Variants in GRID1 observed in about 807,000 individuals in gnomAD.
GRID1 encodes glutamate receptor ionotropic, delta-1.
A neutral mutation model predicts 98.0 loss-of-function variants in GRID1; 28 were observed. The observed-to-expected ratio is 0.29, with a 90% CI of 0.21 to 0.39. The LOEUF (loss-of-function observed/expected upper bound fraction) is 0.39, where lower values mean the gene tolerates loss of function less well. Ranked by LOEUF, GRID1 falls within the 10% of genes least tolerant of loss-of-function variation. The pLI, the probability that GRID1 is intolerant of heterozygous loss-of-function variation, is 1.00. For missense variants in GRID1, 1,111 were observed against 1,340.5 expected (o/e 0.83, Z 2.67); for synonymous variants, 553 against 538.5 (o/e 1.03, Z -0.37).
chr10:86,093,293 A>G (rs989831547), intron 4 of GRID1, among the ~76,000 whole-genome samples: 1 of 152,154 alleles, frequency 6.6e-6, no homozygotes, highest in Non-Finnish European at 1.5e-5. Context: ...CAGAGCACAG[A>G]CAATCTAAGG....
intron 8 of GRID1, among the ~76,000 whole-genome samples, chr10:85,802,076 A>G (rs570297734): frequency 6.6e-6 from 1 of 152,236 alleles, no homozygotes; most frequent in African/African-American, 2.4e-5. Context: ...AGTTATAAAA[A>G]TTACTGAAAG....
chr10:86,127,644 G>T (rs1341201472), intron 4 of GRID1, among the ~76,000 whole-genome samples: 1 of 152,150 alleles, frequency 6.6e-6, no homozygotes. Flanking sequence ...AGCTGGGCTG[G>T]CTGGAGATCG....
chr10:85,735,743 C>T (rs529274424), intron 8 of GRID1, among the ~76,000 whole-genome samples: 13 of 150,826 alleles, frequency 8.6e-5, no homozygotes, highest in Non-Finnish European at 1.8e-4. Flanking sequence ...CAAAATATAA[C>T]CAATTTCATA....
In GRID1 at chr10:85,865,916, T is replaced by TATATATATATATATATATAC. The variant is rs1554836177; in HGVS notation, c.951+3093_951+3094insGTATATATATATATATATAT. On this transcript the variant is annotated intron_variant, in intron 6 of 15. Coordinates refer to ENST00000327946, the MANE Select transcript of GRID1 (RefSeq NM_017551.3). ...ATAAAGTGTTTTACATATATACATA[T>TATATATATATATATATATAC]ATATATATATATATATATATATATA... Among the ~76,000 whole-genome samples the TATATATATATATATATATAC allele has an allele frequency of 2.6e-4, 22 of 83,028 alleles. No homozygotes were observed. In the East Asian group the frequency reaches 6.9e-3, roughly 26 times the overall value. The allele number at this position is 83,028 out of a possible 152,430, so 54.5% of individuals were successfully genotyped here. A position where few individuals can be genotyped will look rare whatever the true frequency, so the allele number is the denominator to read the frequency against.
intron 2 of GRID1, among the ~76,000 whole-genome samples, chr10:86,239,243 C>A (rs60329779): frequency 1.3e-5 from 2 of 152,216 alleles, no homozygotes; most frequent in Non-Finnish European, 2.9e-5. Flanking sequence ...TGCATGGGGC[C>A]TGTAGCCCCT....
chr10:85,766,612 T>C (rs768231530), intron 8 of GRID1, among the ~76,000 whole-genome samples: 14 of 152,158 alleles, frequency 9.2e-5, no homozygotes, highest in Non-Finnish European at 1.9e-4. Flanking sequence ...TGAAATAATC[T>C]TGCTCTTCTC....
chr10:86,234,240 C>G (rs368434047), intron 2 of GRID1, among the ~76,000 whole-genome samples: 5 of 152,272 alleles, frequency 3.3e-5, no homozygotes, highest in South Asian at 2.1e-4. Flanking sequence ...TCAGAGCCAC[C>G]CTAGAAAGAG....
At chr10:85,978,468 A>G (rs1370656880) in intron 4 of GRID1, among the ~76,000 whole-genome samples, 1 of 152,250 alleles carries the variant, frequency 6.6e-6, no homozygotes, top group Non-Finnish European at 1.5e-5. Context: ...AAACCTAAGC[A>G]TTAATGGACT....
At chr10:85,608,362 A>G (rs552128567) in intron 15 of GRID1, among the ~76,000 whole-genome samples, 1 of 152,336 alleles carries the variant, frequency 6.6e-6, no homozygotes, top group Admixed American at 6.5e-5. Context: ...CTGTATTTCT[A>G]AAAAGCCCCA....
At chr10:86,002,091 C>G (rs1464568303) in intron 4 of GRID1, among the ~76,000 whole-genome samples, 3 of 152,204 alleles carry the variant, frequency 2.0e-5, no homozygotes, top group Non-Finnish European at 4.4e-5. Flanking sequence ...ACAAGTCATA[C>G]TGGATTAGGA....
At chr10:86,315,599 T>A (rs1226440091) in intron 2 of GRID1, among the ~76,000 whole-genome samples, 1 of 152,090 alleles carries the variant, frequency 6.6e-6, no homozygotes, top group Non-Finnish European at 1.5e-5. Flanking sequence ...TGCCCCACAA[T>A]GCCTCCTTCC....
intron 8 of GRID1, among the ~76,000 whole-genome samples, chr10:85,785,101 G>A (rs1368279534): frequency 6.6e-6 from 1 of 152,336 alleles, no homozygotes; most frequent in East Asian, 1.9e-4. Context: ...GCCTGACTGA[G>A]AGGCGCATGC....
chr10:85,987,742 A>G (rs1051804497), intron 4 of GRID1, among the ~76,000 whole-genome samples: 2 of 150,878 alleles, frequency 1.3e-5, no homozygotes, highest in African/African-American at 4.9e-5. Context: ...CCCTTTTCCC[A>G]CATTCTCACC....
intron 4 of GRID1, among the ~76,000 whole-genome samples, chr10:85,986,808 AAGGACAGCAC>A (rs1842613883): frequency 6.6e-6 from 1 of 152,206 alleles, no homozygotes; most frequent in Non-Finnish European, 1.5e-5. Context: ...AGATACTGCA[AAGGACAGCAC>A]AGATAGAGCT....
chr10:85,605,950 C>T (rs1488204523), intron 15 of GRID1: 1 of 152,158 alleles, frequency 6.6e-6, no homozygotes, highest in Non-Finnish European at 1.5e-5. Flanking sequence ...ATGACTTCAC[C>T]ACTGAAGTGC....
At chr10:85,769,330 T>C (rs1842230527) in intron 8 of GRID1, among the ~76,000 whole-genome samples, 1 of 152,136 alleles carries the variant, frequency 6.6e-6, no homozygotes, top group Non-Finnish European at 1.5e-5. Context: ...AATATAAAGA[T>C]GGCAGGAGCT....
chr10:85,641,490 G>A (rs1843117170), intron 13 of GRID1, among the ~76,000 whole-genome samples: 1 of 152,150 alleles, frequency 6.6e-6, no homozygotes, highest in South Asian at 2.1e-4. Context: ...TGTACACAAG[G>A]GGGTGGAAAC....
chr10:85,658,596 T>C (rs1457724756), intron 12 of GRID1, among the ~76,000 whole-genome samples: 1 of 152,096 alleles, frequency 6.6e-6, no homozygotes, highest in East Asian at 1.9e-4. Context: ...AACAGGCACA[T>C]GGATCATTAG....
At chr10:85,772,236 G>T (rs553800262) in intron 8 of GRID1, among the ~76,000 whole-genome samples, 1 of 152,022 alleles carries the variant, frequency 6.6e-6, no homozygotes. Context: ...GGTACATAAC[G>T]AAATGAAGGC....
Sources: allele counts gnomAD v4.1 joint callset (sites outside exome capture counted in the v4.1 genomes callset), GRCh38; gene constraint gnomAD v4.1.1; transcripts MANE v1.5; gene names NCBI Gene and HGNC (gene_info 2026-07-23, HGNC 2026-07-21).